The following CHRDL1 variants were observed in gnomAD, a reference collection of about 807,000 sequenced individuals.
CHRDL1 encodes chordin-like protein 1.
Under a neutral mutation model 40.9 loss-of-function variants are expected in CHRDL1, and 19 were observed. That is an observed-to-expected ratio of 0.46 (90% CI 0.32 to 0.68). CHRDL1 has a LOEUF of 0.68. Ranked by LOEUF, CHRDL1 falls within the 30% of genes least tolerant of loss-of-function variation. CHRDL1 has a pLI of 0.03. For synonymous variants in CHRDL1, 136 were observed against 123.4 expected (o/e 1.10, Z -0.68); for missense variants, 329 against 352.1 (o/e 0.93, Z 0.53).
chrX:110,751,503 GACA>G (rs774292852), intron 4 of CHRDL1, among the ~76,000 whole-genome samples: 143 of 111,919 alleles, frequency 1.3e-3, no homozygotes, highest in Non-Finnish European at 2.0e-3. Context: ...CATATAAATA[GACA>G]ACAAGTATAT....
In CHRDL1 at chrX:110,750,850, G is replaced by A. The variant is rs577163070; in HGVS notation, c.301+8811C>T. On this transcript the variant is annotated intron_variant, in intron 4 of 11. Transcript: ENST00000372042. ...GGCACATTGTGCACATGTTACTGCAGGGTTAGTCCTGGGGAAATGTCACAC... is the reference window on the plus strand; with the variant it reads ...GGCACATTGTGCACATGTTACTGCAAGGTTAGTCCTGGGGAAATGTCACAC... 6.8e-4 allele frequency among the ~76,000 whole-genome samples: 76 copies of A among 111,886 alleles called. 2 individuals are homozygous for A. In the South Asian group the frequency reaches 0.026, roughly 39 times the overall value.
intron 7 of CHRDL1, among the ~76,000 whole-genome samples, chrX:110,697,961 T>G (rs2070434542): frequency 9.1e-6 from 1 of 109,645 alleles, no homozygotes; most frequent in South Asian, 4.0e-4. Context: ...CTGTTTCAGG[T>G]TTTTACAAAG....
At chrX:110,778,143 T>G (rs2089882611) in intron 2 of CHRDL1, among the ~76,000 whole-genome samples, 1 of 110,727 alleles carries the variant, frequency 9.0e-6, no homozygotes, top group Non-Finnish European at 1.9e-5. Context: ...CCTAAAACTA[T>G]AAAAACCCTG....
intron 9 of CHRDL1, 86 bp downstream of exon 9, chrX:110,688,508 G>T (rs992806419): frequency 3.4e-6 from 2 of 581,224 alleles, no homozygotes; most frequent in Non-Finnish European, 5.8e-6. Flanking sequence ...TTATATGAAA[G>T]GTTATGTTTC....
intron 4 of CHRDL1, among the ~76,000 whole-genome samples, 180 bp downstream of exon 4, chrX:110,759,481 C>A (rs1415794792): frequency 8.9e-6 from 1 of 112,141 alleles, no homozygotes; most frequent in Non-Finnish European, 1.9e-5. Flanking sequence ...CTTATTAGAG[C>A]CTAGAATGTA....
chrX:110,720,009 G>A, intron 5 of CHRDL1, 81 bp from the exon 6 acceptor site: 2 of 559,370 alleles, frequency 3.6e-6, no homozygotes, highest in Non-Finnish European at 5.7e-6. Flanking sequence ...AATAGAGCAG[G>A]GACTCAAAAC....
intron 8 of CHRDL1, among the ~76,000 whole-genome samples, chrX:110,692,706 C>G (rs1382258329): frequency 8.9e-6 from 1 of 112,302 alleles, no homozygotes; most frequent in Admixed American, 9.4e-5. Context: ...AAACACAGAT[C>G]GATAGTAAGT....
intron 2 of CHRDL1, among the ~76,000 whole-genome samples, chrX:110,783,927 C>T (rs891575819): frequency 5.4e-5 from 6 of 111,766 alleles, no homozygotes; most frequent in Admixed American, 3.8e-4. Flanking sequence ...TTTTGATAAG[C>T]GCTATTACTG....
intron 11 of CHRDL1, among the ~76,000 whole-genome samples, chrX:110,678,393 C>T (rs1048744548): frequency 1.8e-5 from 2 of 111,344 alleles, no homozygotes; most frequent in Non-Finnish European, 3.8e-5. Context: ...TACTTTCTAC[C>T]TCCAAATCTT....
rs1465029955 is a variant in CHRDL1 at position 110,786,523 on chromosome X, G to A, written c.94+5565C>T. On this transcript the variant is annotated intron_variant, in intron 2 of 11. Coordinates refer to ENST00000372042, the MANE Select transcript of CHRDL1 (RefSeq NM_001143981.2). Reference sequence around the variant, plus strand: ...TTCTCCTTTAGTTTTCAGTCCAGAAGGCAAGAATTCTTTTCAATTTGTAAG... The same window carrying A: ...TTCTCCTTTAGTTTTCAGTCCAGAAAGCAAGAATTCTTTTCAATTTGTAAG... Among the ~76,000 whole-genome samples the A allele has an allele frequency of 4.5e-5, 5 of 111,782 alleles. No individual in the cohort carries two copies. In the East Asian group the frequency reaches 1.4e-3, roughly 32 times the overall value.
intron 8 of CHRDL1, among the ~76,000 whole-genome samples, chrX:110,689,721 ATATATATC>A (rs1289305582): frequency 8.6e-5 from 3 of 34,975 alleles, no homozygotes; most frequent in South Asian, 1.8e-3. Context: ...ATATATATCT[ATATATATC>A]TATATATCTA....
intron 4 of CHRDL1, among the ~76,000 whole-genome samples, chrX:110,734,625 G>A (rs966719693): frequency 2.7e-5 from 3 of 111,978 alleles, no homozygotes; most frequent in South Asian, 3.8e-4. Flanking sequence ...TCAAATTTAG[G>A]TCTCTTCATT....
intron 11 of CHRDL1, 80 bp downstream of exon 11, chrX:110,679,256 G>A (rs992992875): frequency 4.5e-6 from 3 of 665,450 alleles, no homozygotes; most frequent in East Asian, 3.2e-5. Context: ...CTGAGATTGC[G>A]GAGGGACTTT....
intron 4 of CHRDL1, among the ~76,000 whole-genome samples, chrX:110,750,101 CT>C (rs2089329857): frequency 9.0e-6 from 1 of 111,727 alleles, no homozygotes; most frequent in Admixed American, 9.5e-5. Context: ...CCCAGCTGAG[CT>C]TAGTGGCCTC....
intron 2 of CHRDL1, among the ~76,000 whole-genome samples, chrX:110,772,579 C>T (rs1002286570): frequency 8.0e-5 from 9 of 112,535 alleles, no homozygotes; most frequent in Non-Finnish European, 1.3e-4. Flanking sequence ...GCGGAGGTTG[C>T]AGTGAGCCAA....
intron 2 of CHRDL1, among the ~76,000 whole-genome samples, chrX:110,789,230 C>T (rs2090062073): frequency 9.0e-6 from 1 of 111,257 alleles, no homozygotes; most frequent in South Asian, 3.7e-4. Context: ...AGAAAAATAC[C>T]AAGCAAAACT....
rs1352300796 is a variant in CHRDL1 at position 110,744,994 on chromosome X, CAT to C, written c.301+14665_301+14666del. The stretch of plus-strand genomic sequence containing the variant: ...ACACACACACACACACACACACACA[CAT>C]ACATACCACACAATGTCACCCACTC... On this transcript the variant is annotated intron_variant, in intron 4 of 11. Transcript: ENST00000372042. Among the ~76,000 whole-genome samples the C allele has an allele frequency of 1.8e-3, 168 of 95,554 alleles. No homozygotes were observed. In the East Asian group the frequency reaches 0.029, roughly 16 times the overall value. The allele number at this position is 95,554 out of a possible 115,157, so 83.0% of individuals were successfully genotyped here. A position where few individuals can be genotyped will look rare whatever the true frequency, so the allele number is the denominator to read the frequency against.
At chrX:110,737,994 C>A (rs1011505115) in intron 4 of CHRDL1, among the ~76,000 whole-genome samples, 1 of 111,920 alleles carries the variant, frequency 8.9e-6, no homozygotes, top group Non-Finnish European at 1.9e-5. Context: ...GCTAAACATC[C>A]CACAATGCAC....
intron 6 of CHRDL1, among the ~76,000 whole-genome samples, chrX:110,706,585 G>C (rs2070644396): frequency 9.0e-6 from 1 of 111,468 alleles, no homozygotes; most frequent in African/African-American, 3.3e-5. Flanking sequence ...TTAATCTCTG[G>C]TGGCTTGAGC....
Sources: gnomAD v4.1 joint callset for allele counts (sites outside exome capture counted in the v4.1 genomes callset) on GRCh38, gnomAD v4.1.1 for gene constraint, MANE v1.5 for transcripts, NCBI Gene and HGNC (gene_info 2026-07-23, HGNC 2026-07-21) for gene names.